Variants in PKP4 observed in about 807,000 individuals in gnomAD.
The protein encoded by PKP4 is plakophilin 4.
PKP4 carries 90 observed loss-of-function variants against 145.1 expected under a neutral mutation model. The observed-to-expected ratio is 0.62, with a 90% CI of 0.52 to 0.74. The LOEUF (loss-of-function observed/expected upper bound fraction) is 0.74. Among genes scored for constraint, PKP4 ranks in the 30% least tolerant of loss-of-function variants. The pLI is 0.00. For missense variants in PKP4, 1,340 were observed against 1,482.7 expected (o/e 0.90, Z 1.58); for synonymous variants, 563 against 577.2 (o/e 0.98, Z 0.35).
chr2:158,647,466 TAAGTG>T lies in PKP4; in HGVS notation c.1909+4768_1909+4772del, dbSNP rs545142044. 1.1e-4 allele frequency among the ~76,000 whole-genome samples: 17 copies of T among 152,336 alleles called. No homozygotes were observed. In the South Asian group the frequency reaches 3.3e-3, roughly 30 times the overall value. ...TCAGTTTGGCAGTTTTTACTGTACTTAAGTGGAGAAATTTTAGCTGTTTTTTATAA... is the reference window on the plus strand; with the variant it reads ...TCAGTTTGGCAGTTTTTACTGTACTTGAGAAATTTTAGCTGTTTTTTATAA... On this transcript the variant is annotated intron_variant, in intron 11 of 21. Transcript: ENST00000389759.
chr2:158,563,754 G>A (rs2046738989), intron 2 of PKP4, among the ~76,000 whole-genome samples: 1 of 151,712 alleles, frequency 6.6e-6, no homozygotes, highest in African/African-American at 2.4e-5. Context: ...CCAAGAGTTT[G>A]TACTAGTGTA....
intron 7 of PKP4, among the ~76,000 whole-genome samples, chr2:158,627,291 G>GTA (rs2052891092): frequency 6.6e-6 from 1 of 152,096 alleles, no homozygotes; most frequent in Admixed American, 6.5e-5. Flanking sequence ...GAACAGCTAT[G>GTA]TAGAAATCTC....
At chr2:158,473,539 C>A (rs1190363227) in intron 1 of PKP4, among the ~76,000 whole-genome samples, 1 of 152,144 alleles carries the variant, frequency 6.6e-6, no homozygotes, top group African/African-American at 2.4e-5. Context: ...CTATTATCCT[C>A]AGGAAACTAA....
At chr2:158,553,994 GGACATGGGACA>G (rs1477632192) in intron 2 of PKP4, among the ~76,000 whole-genome samples, 1 of 152,106 alleles carries the variant, frequency 6.6e-6, no homozygotes, top group Non-Finnish European at 1.5e-5. Context: ...CATGTATTTG[GGACATGGGACA>G]GACATGAATT....
rs917242 is a variant in PKP4, at chr2:158,633,944, C to A, written c.1343-126C>A. 0.52 allele frequency: 306,990 copies of A among 593,218 alleles called. 82,738 individuals carry two copies. Among genetic ancestry groups the A allele is most frequent in the East Asian group, 0.76 (26,864 of 35,436 alleles). 36.7% of individuals were successfully genotyped at this position (593,218 alleles called of 1,614,324 possible). A position where few individuals can be genotyped will look rare whatever the true frequency, so the allele number is the denominator to read the frequency against. On this transcript the variant is annotated intron_variant, in intron 8 of 21. Coordinates refer to ENST00000389759, the MANE Select transcript of PKP4 (RefSeq NM_003628.6). ...CACTAATAAGGTAGAATTTTAAAAT[C>A]TAAAAGTAAGCGATTTATATAATTG...
chr2:158,676,598 C>T, intron 19 of PKP4, 141 bp from the exon 20 acceptor site: 1 of 1,001,246 alleles, frequency 1.0e-6, no homozygotes, highest in South Asian at 1.4e-5. Flanking sequence ...CCACTCCCAG[C>T]ACCTCTGAGA....
intron 1 of PKP4, among the ~76,000 whole-genome samples, chr2:158,526,846 C>G (rs2042999149): frequency 1.4e-5 from 1 of 71,640 alleles, no homozygotes; most frequent in African/African-American, 6.0e-5. Flanking sequence ...CAACAACAGA[C>G]AAACAGAGAG....
At chr2:158,638,441 A>C (rs1338363278) in intron 9 of PKP4, among the ~76,000 whole-genome samples, 1 of 152,204 alleles carries the variant, frequency 6.6e-6, no homozygotes, top group Non-Finnish European at 1.5e-5. Flanking sequence ...GGAAGGACCC[A>C]AGACTGAAAC....
intron 2 of PKP4, among the ~76,000 whole-genome samples, chr2:158,536,407 A>G (rs1427416919): frequency 6.6e-6 from 1 of 152,216 alleles, no homozygotes; most frequent in East Asian, 1.9e-4. Flanking sequence ...TATAAAATTA[A>G]CCTGAATTTT....
intron 4 of PKP4, among the ~76,000 whole-genome samples, chr2:158,610,581 C>A (rs1188141975): frequency 6.6e-6 from 1 of 152,052 alleles, no homozygotes; most frequent in East Asian, 1.9e-4. Context: ...TATATGCTAC[C>A]CATCAGAAAG....
intron 9 of PKP4, among the ~76,000 whole-genome samples, chr2:158,637,260 C>A (rs1422280254): frequency 1.3e-5 from 2 of 152,098 alleles, no homozygotes; most frequent in Non-Finnish European, 2.9e-5. Context: ...TAAAACTTGG[C>A]CTTTGTGGAG....
At chr2:158,549,531 C>A (rs1015183357) in intron 2 of PKP4, among the ~76,000 whole-genome samples, 1 of 152,080 alleles carries the variant, frequency 6.6e-6, no homozygotes, top group Non-Finnish European at 1.5e-5. Flanking sequence ...TCTTTCCCCA[C>A]CCTTTGCTAT....
chr2:158,565,090 C>A (rs2046861480), intron 2 of PKP4, among the ~76,000 whole-genome samples: 1 of 152,188 alleles, frequency 6.6e-6, no homozygotes, highest in Non-Finnish European at 1.5e-5. Flanking sequence ...TTGGGCAAGT[C>A]ATTTACTTTG....
chr2:158,659,333 G>A (rs1181527608), intron 12 of PKP4: 1 of 152,282 alleles, frequency 6.6e-6, no homozygotes, highest in Non-Finnish European at 1.5e-5. Flanking sequence ...CAGGGAGCTA[G>A]GATTACTCCT....
intron 1 of PKP4, among the ~76,000 whole-genome samples, chr2:158,505,986 T>G (rs1164423772): frequency 6.6e-6 from 1 of 152,166 alleles, no homozygotes; most frequent in Non-Finnish European, 1.5e-5. Context: ...AAGTAAAAGA[T>G]TTGTAAAATA....
At chr2:158,581,228 T>C (rs2048308354) in intron 3 of PKP4, among the ~76,000 whole-genome samples, 1 of 152,186 alleles carries the variant, frequency 6.6e-6, no homozygotes, top group Non-Finnish European at 1.5e-5. Flanking sequence ...ATTTCCGATT[T>C]GCTAAAAAAT....
At chr2:158,540,843 GATAGA>G (rs1424895100) in intron 2 of PKP4, among the ~76,000 whole-genome samples, 1 of 152,050 alleles carries the variant, frequency 6.6e-6, no homozygotes, top group African/African-American at 2.4e-5. Context: ...ATTTGAAAAT[GATAGA>G]ATATTTTTCT....
At chr2:158,535,690 G>C (rs1042205885) in intron 2 of PKP4, among the ~76,000 whole-genome samples, 1 of 152,178 alleles carries the variant, frequency 6.6e-6, no homozygotes, top group African/African-American at 2.4e-5. Context: ...TAAAGTGTGA[G>C]GATTATAAGT....
At chr2:158,563,740 C>T (rs1036597017) in intron 2 of PKP4, among the ~76,000 whole-genome samples, 4 of 151,724 alleles carry the variant, frequency 2.6e-5, no homozygotes, top group African/African-American at 9.7e-5. Context: ...GTTAAATTGC[C>T]CCACCAAGAG....
Sources: gnomAD v4.1 joint callset for allele counts (sites outside exome capture counted in the v4.1 genomes callset) on GRCh38, gnomAD v4.1.1 for gene constraint, MANE v1.5 for transcripts, NCBI Gene and HGNC (gene_info 2026-07-23, HGNC 2026-07-21) for gene names.